The following ZFYVE26 variants were observed in gnomAD, a reference collection of about 807,000 sequenced individuals.
ZFYVE26 encodes zinc finger FYVE domain-containing protein 26.
In ZFYVE26, 181 loss-of-function variants were observed where a neutral mutation model predicts 276.5. That is an observed-to-expected ratio of 0.65 (90% CI 0.58 to 0.74). The LOEUF (loss-of-function observed/expected upper bound fraction) is 0.74. Ranked by LOEUF, ZFYVE26 falls within the 30% of genes least tolerant of loss-of-function variation. The pLI is 0.00. For missense variants in ZFYVE26, 2,821 were observed against 3,097.9 expected (o/e 0.91, Z 2.12); for synonymous variants, 1,129 against 1,203.1 (o/e 0.94, Z 1.27).
chr14:67,794,239 T>C lies in ZFYVE26; in HGVS notation c.2333A>G (p.Asp778Gly). 4 of 1,614,086 alleles carry C rather than the reference T, an allele frequency of 2.5e-6. No individual in the cohort carries two copies. Among genetic ancestry groups the C allele is most frequent in the Non-Finnish European group, 3.4e-6 (4 of 1,179,896 alleles). ...TGGGTTTGAACCTCTGTCTCGGCCA[T>C]CTACAGGTATTGGGAAGAAGAGAGA... ...RGRRTRRSQADGRDRGSNPSL... is the reference protein window; with the variant it reads ...RGRRTRRSQAGGRDRGSNPSL... The change falls in exon 13 of 42, where the codon GAT becomes GGT. Residue 778 changes from aspartate to glycine, a missense_variant and splice_region_variant. Physicochemically the swap from Asp to Gly is moderately conservative, Grantham distance 94. Coordinates refer to ENST00000347230, the MANE Select transcript of ZFYVE26 (RefSeq NM_015346.4).
At chr14:67,752,584 G>C in intron 39 of ZFYVE26, 58 bp from the exon 40 acceptor site, 1 of 1,582,982 alleles carries the variant, frequency 6.3e-7, no homozygotes, top group Non-Finnish European at 8.7e-7. Flanking sequence ...GGTGGGGAGG[G>C]AGGCAGCATT....
chr14:67,793,662 A>G lies in ZFYVE26; in HGVS notation c.2499T>C (p.Pro833=). Reference sequence around the variant, plus strand: ...GGATGCAGGATGCCAGCAGTGACTCAGGTGGGGAGAACATCATGGGGATGA... The same window carrying G: ...GGATGCAGGATGCCAGCAGTGACTCGGGTGGGGAGAACATCATGGGGATGA... ...SSLIPMMFSP[P]ESLLASCILR... is the part of the protein sequence containing the mutation. Residue 833 remains proline (P), a synonymous_variant, in exon 14 of 42, where the codon CCT becomes CCC. Coordinates refer to ENST00000347230, the MANE Select transcript of ZFYVE26 (RefSeq NM_015346.4). The G allele has an allele frequency of 6.2e-7, 1 of 1,613,860 alleles. No homozygotes were observed. Among genetic ancestry groups the G allele is most frequent in the Non-Finnish European group, 8.5e-7 (1 of 1,179,860 alleles).
chr14:67,799,040 AAAG>A (rs2040025480), intron 10 of ZFYVE26: 6 of 1,180,376 alleles, frequency 5.1e-6, no homozygotes, highest in Non-Finnish European at 7.6e-6. Flanking sequence ...TCCCAGTGAC[AAAG>A]AACAGAGAGC....
intron 37 of ZFYVE26, 144 bp downstream of exon 37, chr14:67,754,907 G>C: frequency 1.1e-6 from 1 of 944,750 alleles, no homozygotes; most frequent in South Asian, 1.4e-5. Context: ...TTCTAGGCTT[G>C]TACTACACAC....
In ZFYVE26 at chr14:67,762,047, C is replaced by G. The variant is rs57023353; in HGVS notation, c.6369+156G>C. On this transcript the variant is annotated intron_variant, in intron 34 of 41. Transcript: ENST00000347230. ...TATCTAACCATATATGGTTACTTATCTAACTATATGTGATGGAAAAAAAAA... is the reference window on the plus strand; with the variant it reads ...TATCTAACCATATATGGTTACTTATGTAACTATATGTGATGGAAAAAAAAA... The G allele has an allele frequency of 0.012, 8,572 of 708,368 alleles. 414 individuals carry two copies. Among genetic ancestry groups the G allele is most frequent in the African/African-American group, 0.12 (6,492 of 56,254 alleles). The allele number at this position is 708,368 out of a possible 1,614,324, so 43.9% of individuals were successfully genotyped here. A position where few individuals can be genotyped will look rare whatever the true frequency, so the allele number is the denominator to read the frequency against.
rs955593563 is a variant in ZFYVE26 at position 67,814,104 on chromosome 14, C to A, written c.195-40G>T. ...AAGAAAGACTTGTAAAAAAGAGTTT[C>A]TACTGATCTTTCATCTTTTGTCATC... On this transcript the variant is annotated intron_variant, in intron 2 of 41. Transcript: ENST00000347230. 4 of 1,506,032 alleles carry A rather than the reference C, an allele frequency of 2.7e-6. No individual in the cohort carries two copies. The Admixed American group carries it at 5.1e-5, about 19-fold the overall frequency. The allele number at this position is 1,506,032 out of a possible 1,614,324, so 93.3% of individuals were successfully genotyped here.
Position 67,769,629 on chromosome 14 carries a change from A to G in ZFYVE26, c.5586T>C (p.Arg1862=). The part of the protein sequence containing the change: ...VVEGCRENPA[R]VCDQCYSYCN... The stretch of plus-strand genomic sequence containing the variant: ...AGTAACTATAGCACTGATCACACAC[A>G]CGAGCAGGGTTCTCTCTGCAGCCTT... Residue 1862 remains arginine, a synonymous_variant, in exon 29 of 42, where the codon CGT becomes CGC. Coordinates refer to ENST00000347230, the MANE Select transcript of ZFYVE26 (RefSeq NM_015346.4). 6.2e-7 allele frequency: 1 copy of G among 1,613,992 alleles called. No homozygotes were observed. The highest frequency in any genetic ancestry group is 1.1e-5 in the South Asian group (1 of 91,076).
intron 13 of ZFYVE26, among the ~76,000 whole-genome samples, chr14:67,738,561 TC>T (rs1294204925): frequency 2.6e-5 from 4 of 151,818 alleles, no homozygotes; most frequent in Admixed American, 6.6e-5. Flanking sequence ...AATGATGTGT[TC>T]TGTGTAGTAA....
chr14:67,778,592 C>A (rs1458974886), intron 23 of ZFYVE26, among the ~76,000 whole-genome samples: 1 of 152,120 alleles, frequency 6.6e-6, no homozygotes, highest in African/African-American at 2.4e-5. Context: ...TTTTTAAAAT[C>A]ATAAAATTTC....
At chr14:67,806,008 C>T (rs544345607) in intron 6 of ZFYVE26, among the ~76,000 whole-genome samples, 4 of 152,196 alleles carry the variant, frequency 2.6e-5, no homozygotes, top group African/African-American at 7.2e-5. Flanking sequence ...GCCTGGGTGA[C>T]GAGGGAAACT....
chr14:67,804,839 T>C (rs1328615258), intron 8 of ZFYVE26, among the ~76,000 whole-genome samples: 1 of 152,240 alleles, frequency 6.6e-6, no homozygotes, highest in Non-Finnish European at 1.5e-5. Context: ...ACCTGTGGGC[T>C]TCAGTTGCCT....
At chr14:67,770,497 A>G (rs1041975466) in intron 28 of ZFYVE26, 3 of 152,008 alleles carry the variant, frequency 2.0e-5, no homozygotes, top group Non-Finnish European at 4.4e-5. Context: ...TAAAAACATA[A>G]ACACTTAGGT....
At chr14:67,789,136 G>T (rs890277683) in intron 16 of ZFYVE26, among the ~76,000 whole-genome samples, 199 bp downstream of exon 16, 1 of 152,124 alleles carries the variant, frequency 6.6e-6, no homozygotes, top group Non-Finnish European at 1.5e-5. Flanking sequence ...ATTCAATAAA[G>T]AATTTCCCCA....
intron 14 of ZFYVE26, among the ~76,000 whole-genome samples, chr14:67,791,800 C>T (rs2039820827): frequency 6.6e-6 from 1 of 151,680 alleles, no homozygotes; most frequent in Non-Finnish European, 1.5e-5. Context: ...TGGCTCGTGC[C>T]TGTAATCCCA....
Position 67,767,794 on chromosome 14 carries a change from C to T in ZFYVE26, c.5700G>A (p.Val1900=), listed in dbSNP as rs751994151. ...CCACCTCATCTGCTTTGGGGACTCT[C>T]ACCACAAACGAGTATGGAGGGCTTT... is the stretch of plus-strand genomic sequence containing the variant. ...KNESPPYSFV[V]RVPKADEVEW... The change falls in exon 31 of 42, where the codon GTG becomes GTA. Residue 1900 remains valine, a synonymous_variant. Transcript: ENST00000347230. The T allele has an allele frequency of 4.3e-5, 70 of 1,614,190 alleles. No individual in the cohort carries two copies. Among genetic ancestry groups the T allele is most frequent in the Non-Finnish European group, 5.8e-5 (69 of 1,180,044 alleles).
At chr14:67,810,052 G>A (rs921011896) in intron 3 of ZFYVE26, among the ~76,000 whole-genome samples, 102 of 152,250 alleles carry the variant, frequency 6.7e-4, no homozygotes, top group African/African-American at 2.3e-3. Flanking sequence ...CCAAAGTGCT[G>A]GGATTACAGG....
At chr14:67,731,145 C>T (rs914014878) in intron 13 of ZFYVE26, among the ~76,000 whole-genome samples, 2 of 150,200 alleles carry the variant, frequency 1.3e-5, no homozygotes, top group African/African-American at 4.9e-5. Flanking sequence ...AATGTAGCTG[C>T]TAGAAAATTC....
At chr14:67,735,646 C>T (rs938624827) in intron 13 of ZFYVE26, among the ~76,000 whole-genome samples, 18 of 152,204 alleles carry the variant, frequency 1.2e-4, no homozygotes, top group Non-Finnish European at 2.5e-4. Context: ...TCAGGGATTT[C>T]AGTTGTTCCA....
Position 67,809,281 on chromosome 14 carries a change from G to A in ZFYVE26, c.282C>T (p.Leu94=). The A allele has an allele frequency of 2.5e-6, 4 of 1,613,084 alleles. No individual in the cohort carries two copies. Among genetic ancestry groups the A allele is most frequent in the Non-Finnish European group, 3.4e-6 (4 of 1,179,182 alleles). ...CAAGCTTTCTCCGGAAAACAACTGGGAGTAACTTCTAGAAGAATCAAAAGA... is the reference window on the plus strand; with the variant it reads ...CAAGCTTTCTCCGGAAAACAACTGGAAGTAACTTCTAGAAGAATCAAAAGA... ...EKWLAREKKL[L]PVVFRRKLEF... The change falls in exon 4 of 42, where the codon CTC becomes CTT. Residue 94 remains leucine, a synonymous_variant. Transcript: ENST00000347230.
Sources: gnomAD v4.1 joint callset for allele counts (sites outside exome capture counted in the v4.1 genomes callset) on GRCh38, gnomAD v4.1.1 for gene constraint, MANE v1.5 for transcripts, NCBI Gene and HGNC (gene_info 2026-07-23, HGNC 2026-07-21) for gene names.